The following CRCP variants were observed in gnomAD, a reference collection of about 807,000 sequenced individuals.
CRCP encodes the protein DNA-directed RNA polymerase III subunit RPC9.
A neutral mutation model predicts 18.5 loss-of-function variants in CRCP; 18 were observed. That is an observed-to-expected ratio of 0.97 (90% CI 0.67 to 1.44). The LOEUF (loss-of-function observed/expected upper bound fraction) is 1.44. Among genes scored for constraint, CRCP ranks in the 40% most tolerant of loss-of-function variants. CRCP has a pLI of 0.00. For synonymous variants in CRCP, 53 were observed against 62.9 expected (o/e 0.84, Z 0.75); for missense variants, 130 against 176.4 (o/e 0.74, Z 1.49).
At chr7:66,130,097 CTTTT>C (rs35682014) in intron 2 of CRCP, 325 of 100,028 alleles carry the variant, frequency 3.2e-3, no homozygotes, top group Middle Eastern at 0.01. Flanking sequence ...AAGCAGGATT[CTTTT>C]TTTTTTTTTT....
chr7:66,144,842 T>G (rs1788246255), intron 4 of CRCP, among the ~76,000 whole-genome samples: 1 of 152,142 alleles, frequency 6.6e-6, no homozygotes, highest in Non-Finnish European at 1.5e-5. Flanking sequence ...TTTCTTCACA[T>G]TTTCCAGATA....
intron 4 of CRCP, among the ~76,000 whole-genome samples, chr7:66,144,049 T>A (rs1328096901): frequency 6.6e-6 from 1 of 152,192 alleles, no homozygotes; most frequent in African/African-American, 2.4e-5. Context: ...CGATAAATAC[T>A]TACTGAGCTG....
chr7:66,127,794 A>T, intron 2 of CRCP, 54 bp downstream of exon 2: 1 of 1,580,538 alleles, frequency 6.3e-7, no homozygotes, highest in Non-Finnish European at 8.7e-7. Context: ...CGCTCCTGAG[A>T]TTGTTAAATT....
At chr7:66,132,577 G>A (rs1411501640) in intron 3 of CRCP, among the ~76,000 whole-genome samples, 1 of 152,044 alleles carries the variant, frequency 6.6e-6, no homozygotes, top group Non-Finnish European at 1.5e-5. Flanking sequence ...TATCTGCCTG[G>A]TTTCTCCACT....
chr7:66,142,631 C>T (rs370186873), intron 4 of CRCP, among the ~76,000 whole-genome samples: 130 of 152,314 alleles, frequency 8.5e-4, no homozygotes, highest in African/African-American at 3.0e-3. Flanking sequence ...GCTAGGACTA[C>T]AGGTGTATGC....
At chr7:66,149,292 T>A (rs1788387223) in intron 5 of CRCP, among the ~76,000 whole-genome samples, 1 of 152,090 alleles carries the variant, frequency 6.6e-6, no homozygotes, top group Non-Finnish European at 1.5e-5. Flanking sequence ...GAGAGGGTGA[T>A]GTGAGAGGAT....
rs1334051635 is a variant in CRCP at position 66,131,170 on chromosome 7, T to A, written c.144+328T>A. The stretch of plus-strand genomic sequence containing the variant: ...TTTGTATTTTTAGTAGAGACAGGGT[T>A]TCACCATGTTAGCCAGGATGGTCTC... On this transcript the variant is annotated intron_variant, in intron 3 of 5. Coordinates refer to ENST00000395326, the MANE Select transcript of CRCP (RefSeq NM_014478.5). Among the ~76,000 whole-genome samples, 3 of 152,164 alleles carry A rather than the reference T, an allele frequency of 2.0e-5. No homozygotes were observed. In the East Asian group the frequency reaches 5.8e-4, roughly 29 times the overall value.
chr7:66,131,594 T>TAAGGCTATTATTTTTCA (rs1298727045), intron 3 of CRCP, among the ~76,000 whole-genome samples: 1 of 152,012 alleles, frequency 6.6e-6, no homozygotes, highest in Non-Finnish European at 1.5e-5. Context: ...CTTACACGCT[T>TAAGGCTATTATTTTTCA]AAGGCTATTA....
At chr7:66,129,296 G>T (rs1337110788) in intron 2 of CRCP, among the ~76,000 whole-genome samples, 1 of 152,160 alleles carries the variant, frequency 6.6e-6, no homozygotes, top group Non-Finnish European at 1.5e-5. Flanking sequence ...TTGTGCCACT[G>T]CACTCCAGCC....
intron 1 of CRCP, among the ~76,000 whole-genome samples, chr7:66,119,285 G>A (rs1787362783): frequency 6.6e-6 from 1 of 152,194 alleles, no homozygotes; most frequent in Admixed American, 6.5e-5. Flanking sequence ...TATGCCTGGG[G>A]AGGGCATAGA....
intron 1 of CRCP, among the ~76,000 whole-genome samples, chr7:66,126,458 AT>A (rs1276809136): frequency 6.7e-6 from 1 of 149,210 alleles, no homozygotes; most frequent in Non-Finnish European, 1.5e-5. Flanking sequence ...CCACAGTTCC[AT>A]AGTTACCTTC....
chr7:66,117,322 T>C (rs1040897986), intron 1 of CRCP, among the ~76,000 whole-genome samples: 5 of 152,152 alleles, frequency 3.3e-5, no homozygotes, highest in African/African-American at 1.2e-4. Flanking sequence ...GTTCCTCTCT[T>C]GCTTGATGTC....
chr7:66,115,269 C>T (rs1787223241), intron 1 of CRCP, among the ~76,000 whole-genome samples: 1 of 152,180 alleles, frequency 6.6e-6, no homozygotes, highest in Non-Finnish European at 1.5e-5. Flanking sequence ...GTTTCTGGGT[C>T]ACAGTGCGGG....
chr7:66,150,040 T>C (rs957093333), intron 5 of CRCP, among the ~76,000 whole-genome samples: 1 of 151,870 alleles, frequency 6.6e-6, no homozygotes, highest in Non-Finnish European at 1.5e-5. Flanking sequence ...TCTCCTGACC[T>C]TGTGATCCGC....
At chr7:66,132,809 G>T (rs1160577676) in intron 3 of CRCP, among the ~76,000 whole-genome samples, 1 of 152,018 alleles carries the variant, frequency 6.6e-6, no homozygotes, top group Non-Finnish European at 1.5e-5. Context: ...ACTCAGAGAG[G>T]CTGAGGCAGG....
At chr7:66,134,252 CT>C in intron 3 of CRCP, 27 bp from the exon 4 acceptor site, 2 of 1,422,970 alleles carry the variant, frequency 1.4e-6, no homozygotes, top group Non-Finnish European at 1.9e-6. Context: ...TTATGCTTGG[CT>C]TTTTTCTTTT....
intron 5 of CRCP, among the ~76,000 whole-genome samples, chr7:66,151,751 TC>T (rs1415527669): frequency 0.53 from 53,965 of 102,416 alleles, 17,753 homozygotes; most frequent in Non-Finnish European, 0.56. Context: ...TTTTTTCTTT[TC>T]TTTTTTTTTT....
intron 4 of CRCP, among the ~76,000 whole-genome samples, chr7:66,144,466 T>C (rs316326): frequency 0.1 from 15,759 of 152,256 alleles, 997 homozygotes; most frequent in South Asian, 0.2. Flanking sequence ...TTCTAAGAGA[T>C]GACCACACAA....
Position 66,134,267 on chromosome 7 carries a change from T to C in CRCP, c.145-13T>C, listed in dbSNP as rs769827169. The C allele has an allele frequency of 7.6e-6, 12 of 1,570,938 alleles. No homozygotes were observed. The highest frequency in any genetic ancestry group is 1.4e-5 in the African/African-American group (1 of 72,230). ...TTATGCTTGGCTTTTTTCTTTTTTTTTTTTTTTGCCAGACGTTAAAATACA... is the reference window on the plus strand; with the variant it reads ...TTATGCTTGGCTTTTTTCTTTTTTTCTTTTTTTGCCAGACGTTAAAATACA... On this transcript the variant is annotated splice_polypyrimidine_tract_variant and intron_variant, in intron 3 of 5. Coordinates refer to ENST00000395326, the MANE Select transcript of CRCP (RefSeq NM_014478.5).
Sources: allele counts gnomAD v4.1 joint callset (sites outside exome capture counted in the v4.1 genomes callset), GRCh38; gene constraint gnomAD v4.1.1; transcripts MANE v1.5; gene names NCBI Gene and HGNC (gene_info 2026-07-23, HGNC 2026-07-21).